The following TASP1 variants were observed in gnomAD, a reference collection of about 807,000 sequenced individuals.
The protein encoded by TASP1 is taspase 1.
TASP1 carries 16 observed loss-of-function variants against 56.6 expected under a neutral mutation model. The observed-to-expected ratio is 0.28, with a 90% CI of 0.19 to 0.43. The LOEUF (loss-of-function observed/expected upper bound fraction) is 0.43. Among genes scored for constraint, TASP1 ranks in the 20% least tolerant of loss-of-function variants. TASP1 has a pLI of 1.00. For synonymous variants in TASP1, 179 were observed against 184.2 expected (o/e 0.97, Z 0.23); for missense variants, 393 against 511.6 (o/e 0.77, Z 2.24).
At chr20:13,135,782 C>T in the TASP1 span, among the ~76,000 whole-genome samples, 4 of 152,234 alleles carry the variant, frequency 2.6e-5, no homozygotes, top group Admixed American at 2.6e-4. Flanking sequence ...GAGTTCATTT[C>T]TAATTTCACC....
At chr20:13,414,318 TATC>T (rs1346252262) in intron 13 of TASP1, among the ~76,000 whole-genome samples, 1 of 152,222 alleles carries the variant, frequency 6.6e-6, no homozygotes, top group African/African-American at 2.4e-5. Context: ...ATCCTCAAGT[TATC>T]ATAGCCAGAG....
chr20:13,166,547 A>C, the TASP1 span: 1 of 152,242 alleles, frequency 6.6e-6, no homozygotes, highest in Non-Finnish European at 1.5e-5. Context: ...TTTCTCAATG[A>C]AACTGATGCA....
the TASP1 span, among the ~76,000 whole-genome samples, chr20:13,141,715 G>A: frequency 6.6e-6 from 1 of 152,216 alleles, no homozygotes; most frequent in Non-Finnish European, 1.5e-5. Flanking sequence ...CTGAGGGCAT[G>A]GAGAGCTGCA....
chr20:13,263,462 G>A, the TASP1 span, among the ~76,000 whole-genome samples: 1 of 152,074 alleles, frequency 6.6e-6, no homozygotes, highest in Non-Finnish European at 1.5e-5. Context: ...CATTCTCCTG[G>A]TTTTCTCATC....
chr20:13,196,417 C>T, the TASP1 span, among the ~76,000 whole-genome samples: 1 of 152,092 alleles, frequency 6.6e-6, no homozygotes, highest in East Asian at 1.9e-4. Context: ...TAATAACAAC[C>T]CTGCCTCAGG....
At chr20:13,379,306 AAGGATTTTAT>A in the TASP1 span, among the ~76,000 whole-genome samples, 1 of 152,112 alleles carries the variant, frequency 6.6e-6, no homozygotes, top group Non-Finnish European at 1.5e-5. Flanking sequence ...CTTGTCTGTA[AAGGATTTTAT>A]TTCTCTTTTG....
chr20:13,488,974 G>A (rs1203539752), intron 10 of TASP1, among the ~76,000 whole-genome samples: 4 of 152,156 alleles, frequency 2.6e-5, no homozygotes, highest in African/African-American at 9.6e-5. Context: ...CATCAAACAT[G>A]CCTGGCAAAA....
chr20:13,351,860 A>C, the TASP1 span, among the ~76,000 whole-genome samples: 1 of 152,218 alleles, frequency 6.6e-6, no homozygotes, highest in Non-Finnish European at 1.5e-5. Flanking sequence ...GATGATGGAA[A>C]TGTTCCATAT....
Position 13,412,284 on chromosome 20 carries a change from C to T in TASP1, c.1170+5164G>A, listed in dbSNP as rs987048721. On this transcript the variant is annotated intron_variant, in intron 13 of 13. Transcript: ENST00000337743. ...ATTTGGCTGATTTGTCTTTATATAC[C>T]TCTGTGTTGAGTTTGACTCCTCCTC... 3.9e-5 allele frequency among the ~76,000 whole-genome samples: 6 copies of T among 152,248 alleles called. No individual in the cohort carries two copies. In the East Asian group the frequency reaches 5.8e-4, roughly 15 times the overall value.
chr20:13,429,887 C>G (rs1303144355), intron 12 of TASP1, among the ~76,000 whole-genome samples: 1 of 151,934 alleles, frequency 6.6e-6, no homozygotes, highest in Admixed American at 6.6e-5. Flanking sequence ...TTTCTTCTTT[C>G]GGGAAGTCTT....
At chr20:13,464,794 T>C (rs1410791058) in intron 11 of TASP1, among the ~76,000 whole-genome samples, 1 of 151,932 alleles carries the variant, frequency 6.6e-6, no homozygotes, top group Non-Finnish European at 1.5e-5. Flanking sequence ...AAGTTCAGTT[T>C]TACAACATGA....
chr20:13,396,880 T>A (rs184585628), intron 13 of TASP1, among the ~76,000 whole-genome samples: 1 of 152,230 alleles, frequency 6.6e-6, no homozygotes, highest in Non-Finnish European at 1.5e-5. Context: ...AAAAGTTCTA[T>A]TGTTCTCACA....
At chr20:13,319,088 G>A in the TASP1 span, among the ~76,000 whole-genome samples, 18,109 of 152,150 alleles carry the variant, frequency 0.12, 1,528 homozygotes, top group Non-Finnish European at 0.18. Context: ...GGAAGATGTC[G>A]ATAGTCAGAG....
the TASP1 span, among the ~76,000 whole-genome samples, chr20:13,142,483 C>G: frequency 6.6e-6 from 1 of 152,176 alleles, no homozygotes; most frequent in African/African-American, 2.4e-5. Flanking sequence ...TTTTTCCTTC[C>G]TACAGCTGGG....
chr20:13,332,408 T>C, the TASP1 span, among the ~76,000 whole-genome samples: 25 of 152,362 alleles, frequency 1.6e-4, no homozygotes, highest in Non-Finnish European at 3.4e-4. Context: ...TAAACTTAAA[T>C]TATAATTTTA....
At chr20:13,436,139 G>C (rs897703655) in intron 11 of TASP1, among the ~76,000 whole-genome samples, 1 of 152,034 alleles carries the variant, frequency 6.6e-6, no homozygotes, top group South Asian at 2.1e-4. Flanking sequence ...CTGGAGTGGA[G>C]GATACCCACA....
rs1157381165 is a variant in TASP1 at position 13,595,067 on chromosome 20, A to C, written c.283-7697T>G. 2.6e-5 allele frequency among the ~76,000 whole-genome samples: 4 copies of C among 152,332 alleles called. No homozygotes were observed. In the East Asian group the frequency reaches 7.7e-4, roughly 29 times the overall value. ...ACAAGCCAGAAGAGAGTGGGGGCCAATATTCAACATTCTTAAAGAAAAGAA... is the reference window on the plus strand; with the variant it reads ...ACAAGCCAGAAGAGAGTGGGGGCCACTATTCAACATTCTTAAAGAAAAGAA... On this transcript the variant is annotated intron_variant, in intron 4 of 13. Transcript: ENST00000337743.
At chr20:13,584,217 T>C (rs1312004814) in intron 5 of TASP1, among the ~76,000 whole-genome samples, 1 of 152,066 alleles carries the variant, frequency 6.6e-6, no homozygotes, top group African/African-American at 2.4e-5. Context: ...CAGAAAAAAA[T>C]GCATTCAAGA....
intron 11 of TASP1, among the ~76,000 whole-genome samples, chr20:13,457,970 T>TA (rs1568827673): frequency 6.6e-6 from 1 of 152,194 alleles, no homozygotes; most frequent in South Asian, 2.1e-4. Flanking sequence ...TTCATTTTTT[T>TA]AAAAATCTAA....
Sources: gnomAD v4.1 joint callset for allele counts (sites outside exome capture counted in the v4.1 genomes callset) on GRCh38, gnomAD v4.1.1 for gene constraint, MANE v1.5 for transcripts, NCBI Gene and HGNC (gene_info 2026-07-23, HGNC 2026-07-21) for gene names.